Variants in SCN2A observed in about 807,000 individuals in gnomAD.
SCN2A encodes sodium voltage-gated channel alpha subunit 2, also known as sodium channel protein type 2 subunit alpha.
SCN2A carries 20 observed loss-of-function variants against 188.7 expected under a neutral mutation model. The ratio of observed to expected loss-of-function variants is 0.11; its 90% CI spans 0.07 to 0.15. The LOEUF (loss-of-function observed/expected upper bound fraction) is 0.15, where lower values mean the gene tolerates loss of function less well. SCN2A is among the 10% of genes least tolerant of loss of function. The pLI is 1.00. For missense variants in SCN2A, 1,278 were observed against 2,445.0 expected (o/e 0.52, Z 10.07); for synonymous variants, 804 against 833.1 (o/e 0.97, Z 0.60).
intron 1 of SCN2A, among the ~76,000 whole-genome samples, chr2:165,275,127 C>T (rs1053723962): frequency 6.6e-6 from 1 of 152,174 alleles, no homozygotes; most frequent in Non-Finnish European, 1.5e-5. Flanking sequence ...TGTTTTATTG[C>T]ATTCGTTCAA....
chr2:165,298,487 G>T (rs1696625618), intron 3 of SCN2A, among the ~76,000 whole-genome samples: 1 of 152,020 alleles, frequency 6.6e-6, no homozygotes, highest in Non-Finnish European at 1.5e-5. Context: ...CAGTTTAGGT[G>T]GATATCAACA....
chr2:165,292,997 T>A (rs1004517831), intron 1 of SCN2A, among the ~76,000 whole-genome samples: 1 of 152,242 alleles, frequency 6.6e-6, no homozygotes, highest in Non-Finnish European at 1.5e-5. Flanking sequence ...TTTTTCTGGT[T>A]GCTTTTTAGT....
intron 1 of SCN2A, among the ~76,000 whole-genome samples, chr2:165,246,228 A>AT (rs1693840181): frequency 6.6e-6 from 1 of 152,224 alleles, no homozygotes; most frequent in Non-Finnish European, 1.5e-5. Context: ...ATAGGAATTT[A>AT]GCTCCAAGAA....
In SCN2A at chr2:165,315,756, C is replaced by A; in HGVS notation, c.1669C>A (p.Gln557Lys). 1 of 1,609,250 alleles carries A rather than the reference C, an allele frequency of 6.2e-7. No individual in the cohort carries two copies. Among genetic ancestry groups the A allele is most frequent in the South Asian group, 1.1e-5 (1 of 90,326 alleles). Residue 557 changes from glutamine to lysine, a missense_variant and splice_region_variant, in exon 11 of 27, where the codon CAG becomes AAG. Gln to Lys is a moderately conservative substitution (Grantham distance 53). Around this residue, in one of 17 missense-constraint regions of SCN2A, gnomAD observed 315 missense variants for 386.6 expected, o/e 0.81. Transcript: ENST00000375437. ...TGAAAAGAGATTTTCTTCTCCACACCAGGTAAAAATATTAAATTACATGAA... is the reference window on the plus strand; with the variant it reads ...TGAAAAGAGATTTTCTTCTCCACACAAGGTAAAAATATTAAATTACATGAA... ...TYEKRFSSPH[Q>K]SLLSIRGSLF...
intron 1 of SCN2A, among the ~76,000 whole-genome samples, chr2:165,247,369 C>G (rs1321345359): frequency 6.6e-6 from 1 of 152,040 alleles, no homozygotes; most frequent in African/African-American, 2.4e-5. Context: ...TTTCTATTCT[C>G]TTTTAAATTT....
At chr2:165,254,550 T>G (rs1053853989) in intron 1 of SCN2A, among the ~76,000 whole-genome samples, 2 of 151,702 alleles carry the variant, frequency 1.3e-5, no homozygotes, top group Non-Finnish European at 3.0e-5. Flanking sequence ...TGCTAGAAAA[T>G]AAAAACTCAC....
chr2:165,334,085 A>G (rs1698844718), intron 14 of SCN2A, among the ~76,000 whole-genome samples: 1 of 151,188 alleles, frequency 6.6e-6, no homozygotes, highest in African/African-American at 2.4e-5. Flanking sequence ...GACTATCTCA[A>G]TATACTTATA....
At chr2:165,321,391 C>A (rs1203702797) in intron 11 of SCN2A, among the ~76,000 whole-genome samples, 2 of 152,206 alleles carry the variant, frequency 1.3e-5, no homozygotes, top group East Asian at 1.9e-4. Context: ...TGCCTGTTAT[C>A]CAGTTCCAAA....
intron 1 of SCN2A, among the ~76,000 whole-genome samples, chr2:165,284,134 C>T (rs1177000209): frequency 6.6e-6 from 1 of 151,756 alleles, no homozygotes; most frequent in East Asian, 1.9e-4. Flanking sequence ...TGGAATGTAG[C>T]TATTTTTTGA....
intron 1 of SCN2A, among the ~76,000 whole-genome samples, chr2:165,259,957 G>A (rs1054543566): frequency 2.4e-5 from 1 of 42,192 alleles, no homozygotes; most frequent in Non-Finnish European, 4.5e-5. Context: ...TTTTTTTTTT[G>A]AGACGGAGTC....
intron 8 of SCN2A, among the ~76,000 whole-genome samples, chr2:165,313,359 A>G (rs1347810459): frequency 6.6e-6 from 1 of 152,118 alleles, no homozygotes; most frequent in Admixed American, 6.6e-5. Context: ...TAATCATGAT[A>G]TGATTGCTTT....
chr2:165,249,178 C>T (rs1693986585), intron 1 of SCN2A, among the ~76,000 whole-genome samples: 2 of 152,046 alleles, frequency 1.3e-5, no homozygotes, highest in African/African-American at 4.8e-5. Flanking sequence ...TCCCAAATAC[C>T]ACACTCAATG....
intron 5 of SCN2A, chr2:165,309,121 G>T: frequency 3.8e-6 from 6 of 1,597,296 alleles, no homozygotes; most frequent in Non-Finnish European, 5.1e-6. Context: ...CAAGGAAGAC[G>T]TAGATTTCCC....
intron 16 of SCN2A, among the ~76,000 whole-genome samples, chr2:165,351,808 G>A (rs1004489016): frequency 6.6e-6 from 1 of 151,072 alleles, no homozygotes; most frequent in Admixed American, 6.6e-5. Context: ...ACTGCTCTAG[G>A]ACTTGGCTCT....
intron 25 of SCN2A, among the ~76,000 whole-genome samples, chr2:165,383,636 A>G (rs571918933): frequency 3.3e-5 from 5 of 152,298 alleles, no homozygotes; most frequent in African/African-American, 1.2e-4. Context: ...GAGCTATTTC[A>G]GAGATGGTAG....
At chr2:165,315,329 T>A in intron 10 of SCN2A, 142 bp from the exon 11 acceptor site, 1 of 1,332,454 alleles carries the variant, frequency 7.5e-7, no homozygotes, top group Non-Finnish European at 1.0e-6. Flanking sequence ...CTAATAACAA[T>A]GTACTGTTTT....
At chr2:165,380,234 A>T (rs142308617) in intron 23 of SCN2A, among the ~76,000 whole-genome samples, 117 of 151,958 alleles carry the variant, frequency 7.7e-4, no homozygotes, top group African/African-American at 2.7e-3. Flanking sequence ...AAAAGTTTTG[A>T]CATAGAATAA....
chr2:165,278,249 G>T (rs1247737800), intron 1 of SCN2A, among the ~76,000 whole-genome samples: 1 of 152,150 alleles, frequency 6.6e-6, no homozygotes, highest in Non-Finnish European at 1.5e-5. Context: ...GAGTATATTA[G>T]TCCATTTTCT....
At chr2:165,372,602 A>G (rs1247645540) in intron 20 of SCN2A, 1 of 152,204 alleles carries the variant, frequency 6.6e-6, no homozygotes, top group Non-Finnish European at 1.5e-5. Context: ...ATGAATAACT[A>G]AAGACAACAT....
Sources: allele counts gnomAD v4.1 joint callset (sites outside exome capture counted in the v4.1 genomes callset), GRCh38; gene constraint gnomAD v4.1.1; regional missense constraint gnomAD v4.1.1; transcripts MANE v1.5; gene names NCBI Gene and HGNC (gene_info 2026-07-23, HGNC 2026-07-21).